Variants in CAST observed in about 807,000 individuals in gnomAD.
CAST encodes the protein MIR583 host.
CAST carries 76 observed loss-of-function variants against 119.6 expected under a neutral mutation model. The ratio of observed to expected loss-of-function variants is 0.64; its 90% CI spans 0.53 to 0.77. CAST has a LOEUF of 0.77. CAST is among the 30% of genes least tolerant of loss of function. The probability of loss-of-function intolerance (pLI) is 0.00; values close to 1 mark genes in which losing one functional copy is unlikely to be tolerated. For synonymous variants in CAST, 319 were observed against 331.6 expected (o/e 0.96, Z 0.41); for missense variants, 953 against 946.5 (o/e 1.01, Z -0.09).
chr5:96,138,356 G>A, the CAST span, among the ~76,000 whole-genome samples: 90 of 151,720 alleles, frequency 5.9e-4, no homozygotes, highest in Non-Finnish European at 1.0e-3. Flanking sequence ...TATTATTTTT[G>A]TAATAACACA....
chr5:96,671,477 C>A (rs1159453175), intron 1 of CAST, among the ~76,000 whole-genome samples: 1 of 152,158 alleles, frequency 6.6e-6, no homozygotes, highest in Admixed American at 6.5e-5. Context: ...TTAACTAGAT[C>A]CAAAGTAGCC....
the CAST span, among the ~76,000 whole-genome samples, chr5:96,234,969 C>G: frequency 2.8e-4 from 43 of 152,254 alleles, no homozygotes; most frequent in Non-Finnish European, 5.3e-4. Context: ...CCAAATATTT[C>G]AAGAAAGTAT....
At chr5:96,106,562 G>A in the CAST span, among the ~76,000 whole-genome samples, 4 of 149,070 alleles carry the variant, frequency 2.7e-5, no homozygotes, top group Admixed American at 2.0e-4. Context: ...CTGAGTTCTA[G>A]TTTGATTGCA....
At chr5:96,374,599 CT>C in the CAST span, among the ~76,000 whole-genome samples, 1 of 152,144 alleles carries the variant, frequency 6.6e-6, no homozygotes, top group Admixed American at 6.6e-5. Context: ...TGCTGAACAT[CT>C]TTTGAAAATG....
the CAST span, among the ~76,000 whole-genome samples, chr5:96,337,595 G>A: frequency 2.5e-3 from 382 of 152,300 alleles, 13 homozygotes; most frequent in East Asian, 0.046. Flanking sequence ...GGGATCTGGG[G>A]ACACCAGCTG....
chr5:96,327,561 G>A, the CAST span, among the ~76,000 whole-genome samples: 1 of 152,310 alleles, frequency 6.6e-6, no homozygotes, highest in African/African-American at 2.4e-5. Context: ...GAAAACGGCA[G>A]AGTGACCCCC....
the CAST span, among the ~76,000 whole-genome samples, chr5:96,174,577 T>C: frequency 3.9e-5 from 6 of 152,346 alleles, no homozygotes; most frequent in South Asian, 1.0e-3. Flanking sequence ...TTTTATAGGT[T>C]TCCCTCCTTG....
At chr5:96,170,856 G>A in the CAST span, among the ~76,000 whole-genome samples, 1 of 152,198 alleles carries the variant, frequency 6.6e-6, no homozygotes, top group Non-Finnish European at 1.5e-5. Flanking sequence ...GTTGCGGAAC[G>A]AAACTGTAAG....
At chr5:96,408,131 C>A in the CAST span, 1 of 879,526 alleles carries the variant, frequency 1.1e-6, no homozygotes, top group Non-Finnish European at 1.9e-6. Context: ...TCCAAAATTT[C>A]TCCTGTAACC....
chr5:96,499,247 A>G, the CAST span, among the ~76,000 whole-genome samples: 1 of 152,156 alleles, frequency 6.6e-6, no homozygotes, highest in Non-Finnish European at 1.5e-5. Context: ...TAGACATTAT[A>G]CTTTTCTTTA....
At chr5:96,273,587 T>C in the CAST span, among the ~76,000 whole-genome samples, 2 of 152,242 alleles carry the variant, frequency 1.3e-5, no homozygotes, top group African/African-American at 4.8e-5. Flanking sequence ...GTTGGTTATA[T>C]ATTGCTGACT....
the CAST span, among the ~76,000 whole-genome samples, chr5:96,144,671 C>G: frequency 2.9e-5 from 4 of 140,252 alleles, no homozygotes; most frequent in Non-Finnish European, 4.8e-5. Context: ...ACCCAGACAC[C>G]ATTTTTTTTT....
chr5:96,422,020 G>T, the CAST span: 93 of 510,872 alleles, frequency 1.8e-4, 1 homozygote, highest in Non-Finnish European at 2.8e-4. Context: ...AAAAAAAAAA[G>T]CATCACTTCC....
intron 1 of CAST, among the ~76,000 whole-genome samples, chr5:96,587,187 T>C (rs1331546601): frequency 1.3e-5 from 2 of 152,228 alleles, no homozygotes; most frequent in East Asian, 3.8e-4. Flanking sequence ...GAAAGGTTTG[T>C]ACAGCACATT....
At chr5:96,678,487 G>T (rs1030016480) in intron 2 of CAST, among the ~76,000 whole-genome samples, 15 of 152,086 alleles carry the variant, frequency 9.9e-5, no homozygotes, top group Admixed American at 9.8e-4. Flanking sequence ...CTTTGGGAGG[G>T]TATAACCAGA....
the CAST span, chr5:95,965,366 C>A: frequency 6.6e-6 from 1 of 152,136 alleles, no homozygotes; most frequent in Non-Finnish European, 1.5e-5. Flanking sequence ...AAAGTTAGCC[C>A]ACAGGTTTCT....
At chr5:96,764,105 T>C (rs1299402085) in intron 25 of CAST, among the ~76,000 whole-genome samples, 4 of 152,198 alleles carry the variant, frequency 2.6e-5, no homozygotes, top group Non-Finnish European at 5.9e-5. Context: ...TCTTATACAA[T>C]GTAGATATTA....
chr5:96,772,077 A>G, intron 31 of CAST: 1 of 158,048 alleles, frequency 6.3e-6, no homozygotes, highest in Non-Finnish European at 1.4e-5. Context: ...AGACATTGGC[A>G]TTCCCCAGAA....
At chr5:96,253,656 C>T in the CAST span, among the ~76,000 whole-genome samples, 10 of 151,940 alleles carry the variant, frequency 6.6e-5, no homozygotes, top group African/African-American at 2.4e-4. Context: ...AGTACATAAA[C>T]ACTAAATATT....
Sources: gnomAD v4.1 joint callset for allele counts (sites outside exome capture counted in the v4.1 genomes callset) on GRCh38, gnomAD v4.1.1 for gene constraint, MANE v1.5 for transcripts, NCBI Gene and HGNC (gene_info 2026-07-23, HGNC 2026-07-21) for gene names.